The following MIDEAS variants were observed in gnomAD, a reference collection of about 807,000 sequenced individuals.
MIDEAS encodes the protein mitotic deacetylase associated SANT domain protein.
A neutral mutation model predicts 102.7 loss-of-function variants in MIDEAS; 26 were observed. The observed-to-expected ratio is 0.25, with a 90% CI of 0.19 to 0.35. The LOEUF is 0.35. Ranked by LOEUF, MIDEAS falls within the 10% of genes least tolerant of loss-of-function variation. The probability of loss-of-function intolerance (pLI) is 1.00; values close to 1 mark genes in which losing one functional copy is unlikely to be tolerated. For missense variants in MIDEAS, 1,231 were observed against 1,435.6 expected (o/e 0.86, Z 2.30); for synonymous variants, 585 against 591.0 (o/e 0.99, Z 0.15).
chr14:73,787,772 C>G (rs977813754), upstream of MIDEAS, among the ~76,000 whole-genome samples: 1 of 152,178 alleles, frequency 6.6e-6, no homozygotes, highest in Non-Finnish European at 1.5e-5. Context: ...TATAAGTGAG[C>G]AAGACGTTTA....
rs773621965 is a variant in MIDEAS, at chr14:73,744,053, G to GA, written c.-247-3799dup. ...TATAGAAGAAAGCAGTGTGCACCAG[G>GA]AAAAAAAAATAAAAAACAGTGCTGA... On this transcript the variant is annotated intron_variant, in intron 1 of 12. Coordinates refer to ENST00000423556, the MANE Select transcript of MIDEAS (RefSeq NM_001367710.1). Among the ~76,000 whole-genome samples, 596 of 136,732 alleles carry GA rather than the reference G, an allele frequency of 4.4e-3. 4 individuals carry two copies. Among genetic ancestry groups the GA allele is most frequent in the African/African-American group, 7.9e-3 (268 of 33,946 alleles). The allele number at this position is 136,732 out of a possible 152,430, so 89.7% of individuals were successfully genotyped here. A position where few individuals can be genotyped will look rare whatever the true frequency, so the allele number is the denominator to read the frequency against.
chr14:73,718,955 T>C lies in MIDEAS; in HGVS notation c.3188A>G (p.Gln1063Arg), dbSNP rs1305092461. ...RSAHMKSHAE[Q>R]EKKAAALRLK... is the part of the protein sequence containing the mutation. Reference sequence around the variant, plus strand: ...CCTCAGCGCTGCAGCCTTCTTCTCCTGCTCTGCGTGGCTCTTCATATGCGC... The same window carrying C: ...CCTCAGCGCTGCAGCCTTCTTCTCCCGCTCTGCGTGGCTCTTCATATGCGC... The change falls in exon 13 of 13, where the codon CAG becomes CGG. Residue 1063 changes from glutamine (Q) to arginine (R), a missense_variant. By Grantham distance (43) the Gln-to-Arg change is conservative. Transcript: ENST00000423556. 1.3e-5 allele frequency: 20 copies of C among 1,522,076 alleles called. No individual in the cohort carries two copies. Among genetic ancestry groups the C allele is most frequent in the Non-Finnish European group, 1.3e-5 (15 of 1,142,188 alleles). 94.3% of individuals were successfully genotyped at this position (1,522,076 alleles called of 1,614,324 possible).
Position 73,739,220 on chromosome 14 carries a change from T to C in MIDEAS, c.789A>G (p.Ala263=). ...QPQQQQQQQQ[A]ALPQMPLFEN... is the part of the protein sequence containing the mutation. ...CAAAGAGCGGCATCTGGGGTAGGGC[T>C]GCCTGCTGCTGCTGCTGCTGCTGCT... Residue 263 remains alanine, a synonymous_variant, in exon 2 of 13, where the codon GCA becomes GCG. Coordinates refer to ENST00000423556, the MANE Select transcript of MIDEAS (RefSeq NM_001367710.1). 6.2e-7 allele frequency: 1 copy of C among 1,612,718 alleles called. No homozygotes were observed. The highest frequency in any genetic ancestry group is 8.5e-7 in the Non-Finnish European group (1 of 1,179,892).
At chr14:73,748,989 A>G (rs1009688790) in intron 1 of MIDEAS, among the ~76,000 whole-genome samples, 6 of 152,224 alleles carry the variant, frequency 3.9e-5, no homozygotes, top group African/African-American at 1.4e-4. Context: ...GGAAACTTCA[A>G]TACTCTACTT....
intron 12 of MIDEAS, 34 bp downstream of exon 12, chr14:73,719,271 G>A: frequency 7.4e-7 from 1 of 1,345,958 alleles, no homozygotes; most frequent in Non-Finnish European, 9.9e-7. Flanking sequence ...CCAGCCCGCG[G>A]GGGTCCCAGC....
At position 73,722,716 on chromosome 14, in the gene MIDEAS, C is replaced by T; in HGVS notation, c.2706G>A (p.Glu902=). The part of the protein sequence containing the change: ...DTSDEKSAQE[E]VEVDIKTSQK... ...GAGTCACCTTAATATCCACTTCAAC[C>T]TCTTCCTGGGCCGACTTCTCATCGC... The change falls in exon 10 of 13, where the codon GAG becomes GAA. Residue 902 remains glutamate (E), a synonymous_variant. Transcript: ENST00000423556. 1.9e-6 allele frequency: 3 copies of T among 1,614,106 alleles called. No individual in the cohort carries two copies. The highest frequency in any genetic ancestry group is 2.5e-6 in the Non-Finnish European group (3 of 1,179,952).
rs1380050348 is a variant in MIDEAS at position 73,759,645 on chromosome 14, C to G, written c.-248+118G>C. 6.7e-6 allele frequency: 1 copy of G among 150,306 alleles called. No individual in the cohort carries two copies. The highest frequency in any genetic ancestry group is 2.4e-5 in the African/African-American group (1 of 41,238). 9.3% of individuals were successfully genotyped at this position (150,306 alleles called of 1,614,324 possible). On this transcript the variant is annotated intron_variant, in intron 1 of 12. Coordinates refer to ENST00000423556, the MANE Select transcript of MIDEAS (RefSeq NM_001367710.1). The surrounding 1 kb of genome is among the most constrained non-coding windows in gnomAD (Gnocchi z 6.7). ...GGCCCCCGCGGCCCCCTCTCCGGGC[C>G]GCGCCTGCAGAGCTGCAACCCGCCG...
At chr14:73,720,939 C>G (rs1412316845) in intron 11 of MIDEAS, among the ~76,000 whole-genome samples, 1 of 152,212 alleles carries the variant, frequency 6.6e-6, no homozygotes, top group African/African-American at 2.4e-5. Flanking sequence ...CTGCAAACCA[C>G]CAATGCTCCC....
intron 3 of MIDEAS, among the ~76,000 whole-genome samples, chr14:73,731,829 A>C (rs1453366086): frequency 6.6e-6 from 1 of 152,262 alleles, no homozygotes; most frequent in Non-Finnish European, 1.5e-5. Flanking sequence ...ATGGCTAAAC[A>C]CTGGCATTCA....
In MIDEAS at chr14:73,726,900, A is replaced by T; in HGVS notation, c.2235T>A (p.Asp745Glu). The T allele has an allele frequency of 6.2e-7, 1 of 1,613,910 alleles. No individual in the cohort carries two copies. The highest frequency in any genetic ancestry group is 8.5e-7 in the Non-Finnish European group (1 of 1,179,850). ...GCCACACCAAGTCAGCCTTGTGGGG[A>T]TCTGCAGCTGCCAGGGCACGGTCCC... ...LMRDRALAAA[D>E]PHKADLVWQP... Residue 745 changes from aspartate to glutamate, a missense_variant, in exon 6 of 13, where the codon GAT (aspartate) becomes GAA (glutamate). Around this residue, in one of 5 missense-constraint regions of MIDEAS, gnomAD observed 391 missense variants for 483.0 expected, o/e 0.81. Coordinates refer to ENST00000423556, the MANE Select transcript of MIDEAS (RefSeq NM_001367710.1).
At position 73,778,362 on chromosome 14, in the gene MIDEAS, CA is replaced by C. The variant is rs1389802174; in HGVS notation, c.-248+8739del. The stretch of plus-strand genomic sequence containing the variant: ...TGGGCGACAGAGCGAGACTCTGTCT[CA>C]AAAAAAAAAAAAACGTGATGGGGAA... On this transcript the variant is annotated intron_variant, in intron 1 of 11. Coordinates refer to the MIDEAS transcript ENST00000394071. 6.3e-3 allele frequency among the ~76,000 whole-genome samples: 667 copies of C among 105,980 alleles called. 5 individuals carry two copies. The highest frequency in any genetic ancestry group is 0.018 in the African/African-American group (525 of 29,350). The allele number at this position is 105,980 out of a possible 152,430, so 69.5% of individuals were successfully genotyped here.
Position 73,759,054 on chromosome 14 carries a change from G to A in MIDEAS, c.-248+709C>T, listed in dbSNP as rs567573464. Among the ~76,000 whole-genome samples, 2 of 152,260 alleles carry A rather than the reference G, an allele frequency of 1.3e-5. No individual in the cohort carries two copies. The highest frequency in any genetic ancestry group is 4.8e-5 in the African/African-American group (2 of 41,572). On this transcript the variant is annotated intron_variant, in intron 1 of 12. Coordinates refer to ENST00000423556, the MANE Select transcript of MIDEAS (RefSeq NM_001367710.1). The surrounding 1 kb of genome is among the most constrained non-coding windows in gnomAD (Gnocchi z 6.7). ...CCGCGAGGCACCGCGCGGGCTGGGA[G>A]GGCTGCGGCGGCGCGGGCGTGCGGG... is the stretch of plus-strand genomic sequence containing the variant.
chr14:73,781,298 C>T (rs2053755071), intron 1 of MIDEAS, among the ~76,000 whole-genome samples: 1 of 152,178 alleles, frequency 6.6e-6, no homozygotes, highest in Non-Finnish European at 1.5e-5. Flanking sequence ...CCGTAAGATC[C>T]TATCCAATTC....
Position 73,722,695 on chromosome 14 carries a change from C to A in MIDEAS, c.2724+3G>T. On this transcript the variant is annotated splice_donor_region_variant and intron_variant, in intron 10 of 12. Coordinates refer to ENST00000423556, the MANE Select transcript of MIDEAS (RefSeq NM_001367710.1). ...ATGCAGCTGAGGTTGGAAAAGGAGT[C>A]ACCTTAATATCCACTTCAACCTCTT... 6.2e-7 allele frequency: 1 copy of A among 1,613,620 alleles called. No homozygotes were observed. Among genetic ancestry groups the A allele is most frequent in the Non-Finnish European group, 8.5e-7 (1 of 1,179,652 alleles).
chr14:73,755,828 C>T (rs1293636316), intron 1 of MIDEAS, among the ~76,000 whole-genome samples: 2 of 152,184 alleles, frequency 1.3e-5, no homozygotes, highest in Non-Finnish European at 2.9e-5. Context: ...TTTTCTCTTC[C>T]TTGATAGGAG....
upstream of MIDEAS, among the ~76,000 whole-genome samples, chr14:73,764,210 C>T (rs1450843615): frequency 1.3e-5 from 2 of 151,868 alleles, no homozygotes; most frequent in Non-Finnish European, 2.9e-5. Context: ...TGTGATGGCG[C>T]ACGTCTGTAG....
upstream of MIDEAS, among the ~76,000 whole-genome samples, chr14:73,764,345 A>C (rs1184824393): frequency 3.3e-5 from 2 of 60,154 alleles, no homozygotes; most frequent in African/African-American, 1.4e-4. Flanking sequence ...GTCTCAAAAA[A>C]AAAAAAAAAA....
At chr14:73,727,295 G>A (rs2053075182) in intron 5 of MIDEAS, 163 bp downstream of exon 5, 2 of 744,124 alleles carry the variant, frequency 2.7e-6, no homozygotes, top group East Asian at 2.7e-5. Flanking sequence ...ACAGAGGCAG[G>A]GCGGGGACAG....
At chr14:73,719,072 C>T in intron 12 of MIDEAS, 64 bp from the exon 13 acceptor site, 1 of 1,446,930 alleles carries the variant, frequency 6.9e-7, no homozygotes, top group Non-Finnish European at 9.0e-7. Context: ...AGCGCGGGTG[C>T]GCGAGGAGCC....
Sources: gnomAD v4.1 joint callset for allele counts (sites outside exome capture counted in the v4.1 genomes callset) on GRCh38, gnomAD v4.1.1 for gene constraint, gnomAD v4.1.1 regional missense constraint, Gnocchi (gnomAD v3.1) non-coding constraint, MANE v1.5 for transcripts, NCBI Gene and HGNC (gene_info 2026-07-23, HGNC 2026-07-21) for gene names.